Variants in ZBTB20 observed in about 807,000 individuals in gnomAD.
ZBTB20 encodes zinc finger and BTB domain containing 20.
In ZBTB20, 9 loss-of-function variants were observed where a neutral mutation model predicts 56.9. The observed-to-expected ratio is 0.16, with a 90% CI of 0.10 to 0.28. The LOEUF (loss-of-function observed/expected upper bound fraction) is 0.28. Ranked by LOEUF, ZBTB20 falls within the 10% of genes least tolerant of loss-of-function variation. The pLI, the probability that ZBTB20 is intolerant of heterozygous loss-of-function variation, is 1.00. For missense variants in ZBTB20, 655 were observed against 1,003.0 expected, an observed-to-expected ratio of 0.65 and a Z score of 4.69; for synonymous variants, 417 against 420.7, an observed-to-expected ratio of 0.99 and a Z score of 0.11.
chr3:115,063,146 C>CT (rs1161251759), intron 2 of ZBTB20, among the ~76,000 whole-genome samples: 1 of 152,138 alleles, frequency 6.6e-6, no homozygotes, highest in African/African-American at 2.4e-5. Context: ...AGGTATAACT[C>CT]TAATTCCTGC....
chr3:114,760,504 T>C (rs972882574), intron 5 of ZBTB20, among the ~76,000 whole-genome samples: 4 of 152,182 alleles, frequency 2.6e-5, no homozygotes, highest in Admixed American at 2.0e-4. Flanking sequence ...CTTTGAACCC[T>C]TTCTCAAACT....
At chr3:115,010,214 G>T (rs2079641958) in intron 2 of ZBTB20, among the ~76,000 whole-genome samples, 1 of 151,934 alleles carries the variant, frequency 6.6e-6, no homozygotes, top group Non-Finnish European at 1.5e-5. Flanking sequence ...CTGAAGAGAA[G>T]TACACAGGCC....
At chr3:114,965,457 C>T (rs2077612688) in intron 3 of ZBTB20, among the ~76,000 whole-genome samples, 1 of 152,070 alleles carries the variant, frequency 6.6e-6, no homozygotes, top group South Asian at 2.1e-4. Context: ...CTCATCCCAG[C>T]CTCTGGTAAC....
intron 1 of ZBTB20, among the ~76,000 whole-genome samples, chr3:115,088,810 T>C (rs2083083588): frequency 6.6e-6 from 1 of 151,842 alleles, no homozygotes; most frequent in African/African-American, 2.4e-5. Flanking sequence ...GAAATTTAAA[T>C]GCAAACCAAA....
In ZBTB20 at chr3:114,876,104, G is replaced by T. The variant is rs139126625; in HGVS notation, c.-417+24200C>A. ...TTTTTAAAATTAGCGGGGTATGGTGGCATGCACCTGTAGTTTGTTTTTTTT... is the reference window on the plus strand; with the variant it reads ...TTTTTAAAATTAGCGGGGTATGGTGTCATGCACCTGTAGTTTGTTTTTTTT... On this transcript the variant is annotated intron_variant, in intron 4 of 11. Transcript: ENST00000675478. 2.0e-3 allele frequency among the ~76,000 whole-genome samples: 293 copies of T among 150,214 alleles called. 2 individuals are homozygous for T. Among genetic ancestry groups the T allele is most frequent in the African/African-American group, 6.9e-3 (280 of 40,662 alleles).
chr3:115,011,571 A>T (rs1235707097), intron 2 of ZBTB20, among the ~76,000 whole-genome samples: 1 of 151,910 alleles, frequency 6.6e-6, no homozygotes, highest in Non-Finnish European at 1.5e-5. Context: ...TATCCTTCAA[A>T]CATGAAGGAG....
chr3:114,462,947 C>T (rs868485588), intron 7 of ZBTB20, among the ~76,000 whole-genome samples: 1 of 152,176 alleles, frequency 6.6e-6, no homozygotes, highest in African/African-American at 2.4e-5. Flanking sequence ...AATGTCTGCA[C>T]GTCACCTTTT....
chr3:114,500,661 C>T (rs1009650140), intron 6 of ZBTB20, among the ~76,000 whole-genome samples: 1 of 152,202 alleles, frequency 6.6e-6, no homozygotes, highest in Non-Finnish European at 1.5e-5. Context: ...TTTCTTTGTT[C>T]ATTTCATTCT....
intron 2 of ZBTB20, among the ~76,000 whole-genome samples, chr3:115,039,176 G>C (rs1230093758): frequency 2.6e-5 from 4 of 151,996 alleles, no homozygotes; most frequent in African/African-American, 9.7e-5. Context: ...GCAATGGTCA[G>C]ATGGCATGAT....
chr3:115,002,636 A>G (rs149724862), intron 2 of ZBTB20, among the ~76,000 whole-genome samples: 22 of 151,716 alleles, frequency 1.5e-4, no homozygotes, highest in Admixed American at 1.1e-3. Flanking sequence ...AAACAATGAG[A>G]TATCACTAAA....
intron 1 of ZBTB20, among the ~76,000 whole-genome samples, chr3:115,125,645 G>A (rs921272321): frequency 2.6e-5 from 4 of 152,134 alleles, no homozygotes; most frequent in Non-Finnish European, 5.9e-5. Context: ...TTCAAGAGAT[G>A]TACAGTATGG....
At chr3:114,906,862 G>A (rs556740553) in intron 3 of ZBTB20, among the ~76,000 whole-genome samples, 5 of 151,780 alleles carry the variant, frequency 3.3e-5, no homozygotes, top group African/African-American at 7.2e-5. Flanking sequence ...ACAGAGTAGC[G>A]AGAATTTCAC....
At chr3:114,413,565 A>G (rs2088206094) in intron 7 of ZBTB20, among the ~76,000 whole-genome samples, 1 of 152,144 alleles carries the variant, frequency 6.6e-6, no homozygotes, top group South Asian at 2.1e-4. Context: ...TGAATGCTGA[A>G]CTGAAAGGAC....
chr3:115,101,625 GT>G (rs1376924735), intron 1 of ZBTB20, among the ~76,000 whole-genome samples: 1 of 152,072 alleles, frequency 6.6e-6, no homozygotes, highest in African/African-American at 2.4e-5. Flanking sequence ...TTTCTATACA[GT>G]TTGGCTATGT....
chr3:114,989,444 C>T (rs2078701710), intron 2 of ZBTB20, among the ~76,000 whole-genome samples: 1 of 152,096 alleles, frequency 6.6e-6, no homozygotes, highest in African/African-American at 2.4e-5. Context: ...GGGCTCTGTT[C>T]TGTTCCATTG....
intron 5 of ZBTB20, among the ~76,000 whole-genome samples, chr3:114,707,981 A>G (rs571973695): frequency 2.0e-5 from 3 of 152,338 alleles, no homozygotes; most frequent in Non-Finnish European, 4.4e-5. Context: ...GAAAGCAGGA[A>G]TCATATCTCC....
chr3:114,564,825 T>C (rs1437205220), intron 6 of ZBTB20, among the ~76,000 whole-genome samples: 3 of 152,350 alleles, frequency 2.0e-5, no homozygotes, highest in Non-Finnish European at 4.4e-5. Flanking sequence ...AGGCACTACA[T>C]TGACATCTCA....
chr3:114,729,250 C>T (rs1169843547), intron 5 of ZBTB20, among the ~76,000 whole-genome samples: 4 of 152,144 alleles, frequency 2.6e-5, no homozygotes, highest in Admixed American at 6.6e-5. Flanking sequence ...GGCATAGTCT[C>T]AGCTTAAACT....
At chr3:114,376,332 CCAGCACT>C (rs1170023461) in intron 10 of ZBTB20, among the ~76,000 whole-genome samples, 1 of 152,210 alleles carries the variant, frequency 6.6e-6, no homozygotes, top group Non-Finnish European at 1.5e-5. Context: ...TGCTGTGATG[CCAGCACT>C]CAAGGGGACA....
Sources: allele counts gnomAD v4.1 joint callset (sites outside exome capture counted in the v4.1 genomes callset), GRCh38; gene constraint gnomAD v4.1.1; transcripts MANE v1.5; gene names NCBI Gene and HGNC (gene_info 2026-07-23, HGNC 2026-07-21).